Variants in NRL observed in about 807,000 individuals in gnomAD.
NRL encodes the protein neural retina leucine zipper, also known as neural retina-specific leucine zipper protein.
In NRL, 16 loss-of-function variants were observed where a neutral mutation model predicts 12.5. The observed-to-expected ratio is 1.28, with a 90% CI of 0.87 to 1.95. NRL has a LOEUF of 1.95. Ranked by LOEUF, NRL falls within the 30% of genes most tolerant of loss-of-function variation. NRL has a pLI of 0.00. For missense variants in NRL, 314 were observed against 325.8 expected (o/e 0.96, Z 0.28); for synonymous variants, 142 against 150.9 (o/e 0.94, Z 0.43).
chr14:24,110,915 T>C (rs2037408647), intron 1 of NRL, among the ~76,000 whole-genome samples: 1 of 152,228 alleles, frequency 6.6e-6, no homozygotes, highest in South Asian at 2.1e-4. Flanking sequence ...TATCAAAAAA[T>C]GAGGTTACTA....
intron 2 of NRL, chr14:24,082,174 AC>A (rs1449484518): frequency 4.3e-6 from 3 of 694,686 alleles, no homozygotes; most frequent in Non-Finnish European, 5.3e-6. Context: ...GTATCTGTTT[AC>A]CCCCCGGAGT....
chr14:24,104,640 CAAAAA>C (rs375795839), intron 1 of NRL, among the ~76,000 whole-genome samples: 1 of 106,180 alleles, frequency 9.4e-6, no homozygotes, highest in African/African-American at 3.2e-5. Flanking sequence ...AACTCCGTCA[CAAAAA>C]AAAAAAACAA....
At chr14:24,104,664 A>G (rs899122148) in intron 1 of NRL, among the ~76,000 whole-genome samples, 2 of 151,076 alleles carry the variant, frequency 1.3e-5, no homozygotes, top group African/African-American at 2.4e-5. Context: ...AAAACAAAAC[A>G]AAACAAAAAA....
At chr14:24,103,286 G>C (rs2071586) in intron 1 of NRL, 431,034 of 1,547,844 alleles carry the variant, frequency 0.28, 70,355 homozygotes, top group East Asian at 0.62. Context: ...TCCCTCTCCT[G>C]TGTGTGCACA....
At chr14:24,096,624 C>A (rs1413046693) in intron 1 of NRL, among the ~76,000 whole-genome samples, 2 of 152,166 alleles carry the variant, frequency 1.3e-5, no homozygotes, top group African/African-American at 4.8e-5. Flanking sequence ...TACATGTATA[C>A]TTCCACACAG....
chr14:24,113,370 G>C (rs992429501), intron 1 of NRL, among the ~76,000 whole-genome samples: 1 of 149,246 alleles, frequency 6.7e-6, no homozygotes, highest in Non-Finnish European at 1.5e-5. Flanking sequence ...CTAAAACTTA[G>C]AGTATAATAA....
At position 24,094,575 on chromosome 14, in the gene NRL, T is replaced by C. The variant is rs1473024738; in HGVS notation, c.-27-11700A>G. 6 of 1,449,608 alleles carry C rather than the reference T, an allele frequency of 4.1e-6. No individual in the cohort carries two copies. Among genetic ancestry groups the C allele is most frequent in the African/African-American group, 1.4e-5 (1 of 70,048 alleles). 89.8% of individuals were successfully genotyped at this position (1,449,608 alleles called of 1,614,324 possible). A position where few individuals can be genotyped will look rare whatever the true frequency, so the allele number is the denominator to read the frequency against. ...GGCGGGCAGGGGCGACTGCTGTGGG[T>C]CCAGCCTCCCGCGCCGCGCGTCTCT... On this transcript the variant is annotated intron_variant, in intron 1 of 2. Coordinates refer to ENST00000561028, the MANE Select transcript of NRL (RefSeq NM_001354768.3). The surrounding 1 kb of genome is among the most constrained non-coding windows in gnomAD (Gnocchi z 4.1).
chr14:24,104,072 C>A, intron 1 of NRL: 1 of 708,290 alleles, frequency 1.4e-6, no homozygotes, highest in Non-Finnish European at 2.5e-6. Context: ...CTTCAATGTG[C>A]CATAGACCTT....
intron 1 of NRL, chr14:24,099,896 T>A: frequency 6.2e-7 from 1 of 1,605,954 alleles, no homozygotes; most frequent in Non-Finnish European, 8.5e-7. Flanking sequence ...AGATCTTGGG[T>A]CCATCTCAGG....
In NRL at chr14:24,084,937, T is replaced by C. The variant is rs114249947; in HGVS notation, c.-27-2062A>G. Among the ~76,000 whole-genome samples the C allele has an allele frequency of 6.8e-3, 1,032 of 152,210 alleles. 6 individuals carry two copies. Among genetic ancestry groups the C allele is most frequent in the African/African-American group, 0.019 (781 of 41,530 alleles). ...TGAACACAACCCTCAGCCCTAGCCA[T>C]GCATAGCCTGGGATTGGAAAAAGAG... On this transcript the variant is annotated intron_variant, in intron 1 of 2. Transcript: ENST00000561028.
rs1395214247 is a variant in NRL, at chr14:24,081,383, G to A, written c.567C>T (p.Ala189=). The A allele has an allele frequency of 7.0e-7, 1 of 1,438,770 alleles. No individual in the cohort carries two copies. The highest frequency in any genetic ancestry group is 1.5e-5 in the South Asian group (1 of 68,468). The allele number at this position is 1,438,770 out of a possible 1,614,324, so 89.1% of individuals were successfully genotyped here. The part of the protein sequence containing the change: ...KRLQQRRGLE[A]ERARLAAQLD... ...GCTGGGCGGCCAGGCGGGCGCGCTC[G>A]GCCTCCAGCCCGCGCCGCTGCTGCA... The change falls in exon 3 of 3, where the codon GCC becomes GCT. Residue 189 remains alanine (A), a synonymous_variant. Coordinates refer to ENST00000561028, the MANE Select transcript of NRL (RefSeq NM_001354768.3). This position sits in a 1 kb window ranked among gnomAD's most constrained non-coding sequence, Gnocchi z 4.4.
In NRL at chr14:24,094,070, T is replaced by G; in HGVS notation, c.-27-11195A>C. The G allele has an allele frequency of 1.9e-6, 1 of 534,912 alleles. No individual in the cohort carries two copies. The highest frequency in any genetic ancestry group is 3.3e-6 in the Non-Finnish European group (1 of 305,288). 33.1% of individuals were successfully genotyped at this position (534,912 alleles called of 1,614,324 possible). The stretch of plus-strand genomic sequence containing the variant: ...GTGCGGCTGGGAGGGCGGTGGCGGA[T>G]GGGGGGCGGGGCCTCGAAGTCGGGG... On this transcript the variant is annotated intron_variant, in intron 1 of 2. Transcript: ENST00000561028. The surrounding 1 kb of genome is among the most constrained non-coding windows in gnomAD (Gnocchi z 4.1).
intron 1 of NRL, among the ~76,000 whole-genome samples, chr14:24,106,772 AAC>A (rs2037346000): frequency 6.6e-6 from 1 of 151,994 alleles, no homozygotes; most frequent in South Asian, 2.1e-4. Flanking sequence ...ATAATAATAA[AAC>A]ACAGCCAAAT....
chr14:24,092,011 G>T (rs1411990130), intron 1 of NRL, among the ~76,000 whole-genome samples: 1 of 152,122 alleles, frequency 6.6e-6, no homozygotes, highest in Admixed American at 6.5e-5. Context: ...TTCCCTTAGG[G>T]TGACCGAGCA....
intron 1 of NRL, among the ~76,000 whole-genome samples, chr14:24,084,368 G>A (rs1174172798): frequency 1.3e-5 from 2 of 152,228 alleles, no homozygotes; most frequent in African/African-American, 4.8e-5. Context: ...TTTCTGACGT[G>A]ATAGCAGTGA....
At chr14:24,105,251 G>A (rs780762722) in intron 1 of NRL, among the ~76,000 whole-genome samples, 3 of 152,362 alleles carry the variant, frequency 2.0e-5, no homozygotes, top group East Asian at 1.9e-4. Flanking sequence ...ACCTTTAAGC[G>A]GTTTTCTGCC....
At position 24,098,975 on chromosome 14, in the gene NRL, C is replaced by T; in HGVS notation, c.-28+15747G>A. ...GCTCCCAAGTGTCTCTCCTGCCAAT[C>T]CCTGATCCCTCTGGCCCCGACACCC... is the stretch of plus-strand genomic sequence containing the variant. On this transcript the variant is annotated intron_variant, in intron 1 of 2. Transcript: ENST00000561028. The T allele has an allele frequency of 2.5e-6, 3 of 1,189,268 alleles. No individual in the cohort carries two copies. The South Asian group carries it at 4.1e-5, about 16-fold the overall frequency. The allele number at this position is 1,189,268 out of a possible 1,614,324, so 73.7% of individuals were successfully genotyped here.
At chr14:24,104,575 G>C (rs1241334247) in intron 1 of NRL, among the ~76,000 whole-genome samples, 3 of 150,402 alleles carry the variant, frequency 2.0e-5, no homozygotes, top group East Asian at 3.9e-4. Context: ...GGAGGCAGAG[G>C]TTGCAGTAAA....
chr14:24,081,706 G>C lies in NRL; in HGVS notation c.382-138C>G. On this transcript the variant is annotated intron_variant, in intron 2 of 2. Transcript: ENST00000561028. This position sits in a 1 kb window ranked among gnomAD's most constrained non-coding sequence, Gnocchi z 4.4. ...TTCACCGGAAGGCTCGCCCTTCCAC[G>C]CAGTCTGTTTCGGTCCAGAGCCCGC... 1 of 1,524,566 alleles carries C rather than the reference G, an allele frequency of 6.6e-7. No homozygotes were observed. Among genetic ancestry groups the C allele is most frequent in the South Asian group, 1.2e-5 (1 of 82,578 alleles). The allele number at this position is 1,524,566 out of a possible 1,614,324, so 94.4% of individuals were successfully genotyped here.
Sources: allele counts gnomAD v4.1 joint callset (sites outside exome capture counted in the v4.1 genomes callset), GRCh38; gene constraint gnomAD v4.1.1; non-coding constraint Gnocchi (gnomAD v3.1); transcripts MANE v1.5; gene names NCBI Gene and HGNC (gene_info 2026-07-23, HGNC 2026-07-21).